CSMD3: variants seen among roughly 807,000 people sequenced by gnomAD.
CSMD3 encodes CUB and Sushi multiple domains 3, also known as CUB and sushi domain-containing protein 3.
Under a neutral mutation model 435.2 loss-of-function variants are expected in CSMD3, and 177 were observed. That is an observed-to-expected ratio of 0.41 (90% CI 0.36 to 0.46). The LOEUF (loss-of-function observed/expected upper bound fraction) is 0.46, where lower values mean the gene tolerates loss of function less well. Ranked by LOEUF, CSMD3 falls within the 20% of genes least tolerant of loss-of-function variation. The pLI, the probability that CSMD3 is intolerant of heterozygous loss-of-function variation, is 0.34. For missense variants in CSMD3, 4,265 were observed against 4,504.6 expected (o/e 0.95, Z 1.52); for synonymous variants, 1,656 against 1,520.5 (o/e 1.09, Z -2.07).
chr8:113,325,004 A>G (rs1462601151), intron 1 of CSMD3, among the ~76,000 whole-genome samples: 1 of 152,186 alleles, frequency 6.6e-6, no homozygotes, highest in African/African-American at 2.4e-5. Flanking sequence ...GCTTCTGCCA[A>G]TTCCTCCCAT....
chr8:112,477,030 G>C (rs753892612), intron 31 of CSMD3, among the ~76,000 whole-genome samples: 6 of 151,960 alleles, frequency 3.9e-5, no homozygotes, highest in Non-Finnish European at 8.8e-5. Flanking sequence ...AATATCTGTT[G>C]GATTATTAAA....
chr8:112,963,787 A>G (rs574494831), intron 7 of CSMD3, among the ~76,000 whole-genome samples: 19 of 152,134 alleles, frequency 1.2e-4, no homozygotes, highest in Non-Finnish European at 1.8e-4. Flanking sequence ...TTACTTTTGT[A>G]TAACTTATAC....
At chr8:112,938,639 G>A (rs576157002) in intron 9 of CSMD3, among the ~76,000 whole-genome samples, 1 of 152,108 alleles carries the variant, frequency 6.6e-6, no homozygotes, top group East Asian at 1.9e-4. Flanking sequence ...GGAAATGGTA[G>A]TTTTTACTTT....
At chr8:112,556,246 A>C (rs1182660995) in intron 25 of CSMD3, among the ~76,000 whole-genome samples, 1 of 151,916 alleles carries the variant, frequency 6.6e-6, no homozygotes, top group Non-Finnish European at 1.5e-5. Flanking sequence ...TGCAAAGAAG[A>C]CAGAAAATGA....
intron 49 of CSMD3, among the ~76,000 whole-genome samples, chr8:112,312,557 T>A (rs1389267830): frequency 6.6e-6 from 1 of 152,036 alleles, no homozygotes; most frequent in African/African-American, 2.4e-5. Context: ...CGCCTGGCCA[T>A]GTTTCAGTTT....
At chr8:112,952,860 T>C (rs112666974) in intron 8 of CSMD3, among the ~76,000 whole-genome samples, 7,111 of 151,594 alleles carry the variant, frequency 0.047, 230 homozygotes, top group Non-Finnish European at 0.069. Flanking sequence ...AAACAAGATA[T>C]TTTTATTAGA....
At chr8:112,780,784 GA>G (rs925441866) in intron 13 of CSMD3, among the ~76,000 whole-genome samples, 4 of 152,084 alleles carry the variant, frequency 2.6e-5, no homozygotes, top group Admixed American at 2.0e-4. Context: ...ATCCTGGCCA[GA>G]AGGGAATTGT....
intron 5 of CSMD3, among the ~76,000 whole-genome samples, chr8:113,095,408 C>T (rs1263935324): frequency 1.3e-5 from 2 of 152,096 alleles, no homozygotes; most frequent in African/African-American, 4.8e-5. Context: ...ATCTCTTCTC[C>T]AATTCTTTCT....
At chr8:113,164,732 A>C (rs2092116957) in intron 4 of CSMD3, among the ~76,000 whole-genome samples, 1 of 152,074 alleles carries the variant, frequency 6.6e-6, no homozygotes, top group African/African-American at 2.4e-5. Flanking sequence ...TCTTTTACTT[A>C]ACTTCCTACG....
chr8:112,383,195 T>C (rs370496539), intron 37 of CSMD3, among the ~76,000 whole-genome samples: 1 of 152,204 alleles, frequency 6.6e-6, no homozygotes, highest in African/African-American at 2.4e-5. Context: ...ACCTGGTTAT[T>C]TTCATGACTT....
intron 1 of CSMD3, among the ~76,000 whole-genome samples, chr8:113,315,221 G>A (rs1003384869): frequency 2.0e-5 from 3 of 151,982 alleles, no homozygotes; most frequent in African/African-American, 7.3e-5. Context: ...CATTTTTCTT[G>A]GCAACACATG....
Position 112,713,436 on chromosome 8 carries a change from C to T in CSMD3, c.1973-23386G>A, listed in dbSNP as rs190142714. Among the ~76,000 whole-genome samples the T allele has an allele frequency of 5.5e-3, 826 of 149,326 alleles. 3 individuals are homozygous for T. Among genetic ancestry groups the T allele is most frequent in the Non-Finnish European group, 9.1e-3 (614 of 67,190 alleles). ...GAAATATGGGACTATGTAAAAAGAC[C>T]GAACCTACTATTGATCAGAGAGTCT... On this transcript the variant is annotated intron_variant, in intron 13 of 70. Transcript: ENST00000297405.
At chr8:113,273,413 A>C (rs967224888) in intron 3 of CSMD3, among the ~76,000 whole-genome samples, 2 of 152,086 alleles carry the variant, frequency 1.3e-5, no homozygotes, top group Admixed American at 1.3e-4. Flanking sequence ...GAAAATATTA[A>C]TTTAAAAATT....
At chr8:112,231,653 A>C (rs751012975) in intron 68 of CSMD3, 21 bp from the exon 69 acceptor site, 9 of 1,399,328 alleles carry the variant, frequency 6.4e-6, no homozygotes. Flanking sequence ...TTAAACAGCC[A>C]AATATACTTG....
chr8:112,367,939 A>C (rs1827944865), intron 38 of CSMD3, among the ~76,000 whole-genome samples: 1 of 152,180 alleles, frequency 6.6e-6, no homozygotes, highest in African/African-American at 2.4e-5. Flanking sequence ...CACTGCAATA[A>C]GCACTTTATT....
At chr8:112,534,135 C>T (rs1825816078) in intron 27 of CSMD3, among the ~76,000 whole-genome samples, 2 of 152,006 alleles carry the variant, frequency 1.3e-5, no homozygotes, top group African/African-American at 4.8e-5. Context: ...AGAGTGAACA[C>T]ATTCAAAAGC....
In CSMD3 at chr8:112,318,865, C is replaced by G. The variant is rs1215589843; in HGVS notation, c.7332G>C (p.Gln2444His). The G allele has an allele frequency of 6.2e-7, 1 of 1,612,296 alleles. No homozygotes were observed. The highest frequency in any genetic ancestry group is 1.7e-5 in the Admixed American group (1 of 59,876). The change falls in exon 47 of 71, where the codon CAG becomes CAC. Residue 2444 changes from glutamine (Q) to histidine (H), a missense_variant. Transcript: ENST00000297405. ...ILTCRLGERL[Q>H]MDGAPPVCQV... ...GACAAACTGGAGGTGCTCCATCCAT[C>G]TGCAGTCGTTCTCCTAATCTGCACG...
chr8:112,591,006 G>T lies in CSMD3; in HGVS notation c.3716-3771C>A, dbSNP rs542014897. Among the ~76,000 whole-genome samples, 13 of 152,142 alleles carry T rather than the reference G, an allele frequency of 8.5e-5. No individual in the cohort carries two copies. In the South Asian group the frequency reaches 2.7e-3, roughly 32 times the overall value. On this transcript the variant is annotated intron_variant, in intron 22 of 70. Coordinates refer to ENST00000297405, the MANE Select transcript of CSMD3 (RefSeq NM_198123.2). Reference sequence around the variant, plus strand: ...TCTCTAATTTGAACTAGGGGGTGGTGTCATCTTTAAATCATAAAAATTAAT... The same window carrying T: ...TCTCTAATTTGAACTAGGGGGTGGTTTCATCTTTAAATCATAAAAATTAAT...
In CSMD3 at chr8:113,405,402, G is replaced by C. The variant is rs1053478758; in HGVS notation, c.178+31275C>G. Reference sequence around the variant, plus strand: ...AAAATGTGAATCATAATGTCTATCAGCCTAAATGATGTTTGAAAGTACTTA... The same window carrying C: ...AAAATGTGAATCATAATGTCTATCACCCTAAATGATGTTTGAAAGTACTTA... On this transcript the variant is annotated intron_variant, in intron 1 of 70. Transcript: ENST00000297405. 4.0e-5 allele frequency among the ~76,000 whole-genome samples: 6 copies of C among 151,630 alleles called. No homozygotes were observed. In the South Asian group the frequency reaches 6.2e-4, roughly 16 times the overall value.
Sources: gnomAD v4.1 joint callset for allele counts (sites outside exome capture counted in the v4.1 genomes callset) on GRCh38, gnomAD v4.1.1 for gene constraint, MANE v1.5 for transcripts, NCBI Gene and HGNC (gene_info 2026-07-23, HGNC 2026-07-21) for gene names.